Variants in MAP4K3 observed in about 807,000 individuals in gnomAD.
MAP4K3 encodes mitogen-activated protein kinase kinase kinase kinase 3.
MAP4K3 carries 94 observed loss-of-function variants against 143.5 expected under a neutral mutation model. The observed-to-expected ratio is 0.65, with a 90% CI of 0.55 to 0.78. The LOEUF (loss-of-function observed/expected upper bound fraction) is 0.78, where lower values mean the gene tolerates loss of function less well. Ranked by LOEUF, MAP4K3 falls within the 30% of genes least tolerant of loss-of-function variation. The pLI is 0.00. For missense variants in MAP4K3, 1,077 were observed against 1,068.1 expected, an observed-to-expected ratio of 1.01 and a Z score of -0.12; for synonymous variants, 416 against 347.2, an observed-to-expected ratio of 1.20 and a Z score of -2.20.
At chr2:39,273,278 T>TGGGC (rs1165962494) in intron 24 of MAP4K3, among the ~76,000 whole-genome samples, 1 of 152,178 alleles carries the variant, frequency 6.6e-6, no homozygotes, top group Admixed American at 6.5e-5. Context: ...CAACAACACC[T>TGGGC]GGGCACATGG....
intron 29 of MAP4K3, among the ~76,000 whole-genome samples, chr2:39,259,264 T>C (rs552218306): frequency 5.4e-4 from 83 of 152,300 alleles, no homozygotes; most frequent in African/African-American, 1.8e-3. Flanking sequence ...TCAGCAACAC[T>C]TGGGAATTCA....
intron 14 of MAP4K3, among the ~76,000 whole-genome samples, chr2:39,308,994 A>T (rs967490285): frequency 2.0e-5 from 3 of 152,222 alleles, no homozygotes; most frequent in African/African-American, 7.2e-5. Context: ...CATTAAAAAC[A>T]TTTAATCACA....
At chr2:39,296,003 C>T (rs956871370) in intron 16 of MAP4K3, among the ~76,000 whole-genome samples, 4 of 152,038 alleles carry the variant, frequency 2.6e-5, no homozygotes, top group African/African-American at 4.8e-5. Flanking sequence ...AGGTATAAGC[C>T]GTGAGCCATC....
rs1200447390 is a variant in MAP4K3 at position 39,288,130 on chromosome 2, C to T, written c.1465G>A (p.Val489Ile). Residue 489 changes from valine (V) to isoleucine (I), a missense_variant, in exon 20 of 34, where the codon GTT (valine) becomes ATT (isoleucine). By Grantham distance (29) the Val-to-Ile change is conservative. Around this residue, in one of 2 missense-constraint regions of MAP4K3, gnomAD observed 864 missense variants for 801.2 expected, o/e 1.08. Transcript: ENST00000263881. ...CACCCTCCACCATTACCTAAGGCAA[C>T]AGGTTTGTGTGGGGGTAATCTGGGA... ...PPPRLPPHKP[V>I]ALGNGMSSFQ... The T allele has an allele frequency of 5.0e-6, 8 of 1,613,788 alleles. No homozygotes were observed. Among genetic ancestry groups the T allele is most frequent in the Admixed American group, 1.7e-5 (1 of 59,982 alleles).
rs139134671 is a variant in MAP4K3, at chr2:39,405,279, T to G, written c.97-27156A>C. On this transcript the variant is annotated intron_variant, in intron 1 of 33. Coordinates refer to ENST00000263881, the MANE Select transcript of MAP4K3 (RefSeq NM_003618.4). The stretch of plus-strand genomic sequence containing the variant: ...TAAAGGAAGAGAATAAGAGACTGCC[T>G]ATGATACAGGGAATTCTTTTGGATC... Among the ~76,000 whole-genome samples the G allele has an allele frequency of 4.7e-3, 719 of 152,312 alleles. 6 individuals are homozygous for G. Among genetic ancestry groups the G allele is most frequent in the African/African-American group, 0.017 (689 of 41,564 alleles).
chr2:39,307,920 GA>G, intron 15 of MAP4K3, 22 bp downstream of exon 15: 1 of 1,504,978 alleles, frequency 6.6e-7, no homozygotes. Context: ...TGCTGACAAA[GA>G]AAATCAGAAG....
At chr2:39,347,829 AGTGG>A in intron 3 of MAP4K3, among the ~76,000 whole-genome samples, 1 of 152,142 alleles carries the variant, frequency 6.6e-6, no homozygotes, top group Admixed American at 6.6e-5. Context: ...CTTTCTTATA[AGTGG>A]TCATTAATTA....
intron 4 of MAP4K3, among the ~76,000 whole-genome samples, chr2:39,339,027 A>T (rs1383256238): frequency 1.3e-5 from 2 of 152,228 alleles, no homozygotes; most frequent in Non-Finnish European, 2.9e-5. Context: ...TTCACTATTA[A>T]ATCACTTTAG....
intron 12 of MAP4K3, among the ~76,000 whole-genome samples, chr2:39,323,078 C>G (rs1418307738): frequency 6.6e-6 from 1 of 152,118 alleles, no homozygotes; most frequent in Non-Finnish European, 1.5e-5. Context: ...ATTACAATTA[C>G]AAATCATTTG....
At chr2:39,308,765 A>C (rs1682810540) in intron 14 of MAP4K3, among the ~76,000 whole-genome samples, 1 of 152,154 alleles carries the variant, frequency 6.6e-6, no homozygotes, top group African/African-American at 2.4e-5. Context: ...CAACAACAAA[A>C]GAATCATGCA....
chr2:39,374,387 T>A (rs1443245567), intron 2 of MAP4K3, among the ~76,000 whole-genome samples: 3 of 151,638 alleles, frequency 2.0e-5, no homozygotes, highest in Admixed American at 1.3e-4. Context: ...AAATTAAAAT[T>A]AAAAATAAAT....
intron 13 of MAP4K3, among the ~76,000 whole-genome samples, chr2:39,314,334 A>G (rs1218310786): frequency 1.3e-5 from 2 of 152,190 alleles, no homozygotes; most frequent in Non-Finnish European, 2.9e-5. Flanking sequence ...CTGGCCTCTA[A>G]TTACTTTTTG....
At chr2:39,322,361 T>C (rs936708831) in intron 12 of MAP4K3, among the ~76,000 whole-genome samples, 3 of 152,166 alleles carry the variant, frequency 2.0e-5, no homozygotes, top group Admixed American at 1.3e-4. Context: ...CAATAAATTA[T>C]TAATTTATTA....
chr2:39,281,310 T>C (rs544382388), intron 22 of MAP4K3, among the ~76,000 whole-genome samples: 3 of 152,256 alleles, frequency 2.0e-5, no homozygotes, highest in South Asian at 2.1e-4. Flanking sequence ...ATTAACATAA[T>C]TAAAACATGG....
intron 15 of MAP4K3, among the ~76,000 whole-genome samples, chr2:39,300,263 G>A (rs1682455216): frequency 6.6e-6 from 1 of 152,108 alleles, no homozygotes; most frequent in South Asian, 2.1e-4. Context: ...ATTTTTTAAA[G>A]ATATGAAATT....
Position 39,325,613 on chromosome 2 carries a change from G to C in MAP4K3, c.823C>G (p.Gln275Glu). The change falls in exon 12 of 34, where the codon CAA becomes GAA. Residue 275 changes from glutamine to glutamate, a missense_variant. Physicochemically the swap from Gln to Glu is conservative, Grantham distance 29 (BLOSUM62 2). Around this residue, in one of 2 missense-constraint regions of MAP4K3, gnomAD observed 864 missense variants for 801.2 expected, o/e 1.08. Coordinates refer to ENST00000263881, the MANE Select transcript of MAP4K3 (RefSeq NM_003618.4). ...ATTGCCAAAGACCGTGTCAAATGTT[G>C]TGTTACAAAAGGATGCTATAAAAAT... ...EKLLQHPFVT[Q>E]HLTRSLAIEL... The C allele has an allele frequency of 6.2e-7, 1 of 1,612,620 alleles. No homozygotes were observed. The highest frequency in any genetic ancestry group is 8.5e-7 in the Non-Finnish European group (1 of 1,179,122).
At chr2:39,422,931 C>T (rs913192369) in intron 1 of MAP4K3, among the ~76,000 whole-genome samples, 1 of 151,964 alleles carries the variant, frequency 6.6e-6, no homozygotes, top group African/African-American at 2.4e-5. Context: ...ATAAGCTGGA[C>T]ATCATTAAAA....
At chr2:39,305,445 T>C (rs534402286) in intron 15 of MAP4K3, among the ~76,000 whole-genome samples, 2 of 152,328 alleles carry the variant, frequency 1.3e-5, no homozygotes, top group Admixed American at 1.3e-4. Flanking sequence ...TTCTTTGCAC[T>C]TTAAATCACC....
chr2:39,258,438 A>G lies in MAP4K3; in HGVS notation c.2380T>C (p.Cys794Arg). The change falls in exon 31 of 34, where the codon TGT (cysteine) becomes CGT (arginine). Residue 794 changes from cysteine to arginine, a missense_variant and splice_region_variant. Coordinates refer to ENST00000263881, the MANE Select transcript of MAP4K3 (RefSeq NM_003618.4). ...CCTTGGAGATTTACTATTTTTATAC[A>G]ACCTAGAGGAAAAAAAGTCACTCAG... ...RDTILVCLDC[C>R]IKIVNLQGRL... The G allele has an allele frequency of 6.2e-7, 1 of 1,604,932 alleles. No homozygotes were observed. Among genetic ancestry groups the G allele is most frequent in the Non-Finnish European group, 8.5e-7 (1 of 1,173,938 alleles).
Sources: allele counts gnomAD v4.1 joint callset (sites outside exome capture counted in the v4.1 genomes callset), GRCh38; gene constraint gnomAD v4.1.1; regional missense constraint gnomAD v4.1.1; transcripts MANE v1.5; gene names NCBI Gene and HGNC (gene_info 2026-07-23, HGNC 2026-07-21).